The following DLG1 variants were observed in gnomAD, a reference collection of about 807,000 sequenced individuals.
DLG1 encodes disks large homolog 1.
A neutral mutation model predicts 123.4 loss-of-function variants in DLG1; 42 were observed. That is an observed-to-expected ratio of 0.34 (90% confidence interval 0.27 to 0.44). DLG1 has a LOEUF of 0.44. Among genes scored for constraint, DLG1 ranks in the 20% least tolerant of loss-of-function variants. DLG1 has a pLI of 1.00. For missense variants in DLG1, 942 were observed against 1,082.6 expected (o/e 0.87, Z 1.82); for synonymous variants, 317 against 356.2 (o/e 0.89, Z 1.24).
chr3:197,188,877 T>C (rs953122685), intron 5 of DLG1, among the ~76,000 whole-genome samples: 1 of 152,200 alleles, frequency 6.6e-6, no homozygotes, highest in Non-Finnish European at 1.5e-5. Context: ...TTGTTTTCCT[T>C]CAATTCCGGT....
At chr3:197,160,090 G>A (rs138520375) in intron 5 of DLG1, among the ~76,000 whole-genome samples, 10 of 152,262 alleles carry the variant, frequency 6.6e-5, no homozygotes, top group African/African-American at 9.6e-5. Flanking sequence ...CAGTTACACA[G>A]GTTAAGTGGT....
chr3:197,155,218 T>C (rs1039881190), intron 5 of DLG1, among the ~76,000 whole-genome samples: 2 of 152,168 alleles, frequency 1.3e-5, no homozygotes, highest in East Asian at 1.9e-4. Context: ...TCAATGAGAT[T>C]ATCAGCAGAC....
At chr3:197,060,248 A>T (rs979427180) in intron 22 of DLG1, among the ~76,000 whole-genome samples, 1 of 152,236 alleles carries the variant, frequency 6.6e-6, no homozygotes, top group Non-Finnish European at 1.5e-5. Context: ...CCTAGTTTTC[A>T]CGGATCAGTT....
intron 5 of DLG1, among the ~76,000 whole-genome samples, chr3:197,181,239 C>T (rs1561292157): frequency 6.6e-6 from 1 of 152,090 alleles, no homozygotes; most frequent in African/African-American, 2.4e-5. Context: ...ACTAATAGAA[C>T]TTGATTTATA....
chr3:197,070,861 C>A (rs556774033), intron 18 of DLG1: 1 of 151,956 alleles, frequency 6.6e-6, no homozygotes, highest in East Asian at 1.9e-4. Flanking sequence ...TGTGAGCCAC[C>A]GCACCTGGCC....
intron 1 of DLG1, chr3:197,297,620 G>A (rs878862626): frequency 1.7e-4 from 166 of 1,004,264 alleles, no homozygotes; most frequent in Non-Finnish European, 1.9e-4. Flanking sequence ...GCGCTGAGAG[G>A]GGACCAGCGG....
At chr3:197,219,151 A>G (rs1420897950) in intron 4 of DLG1, among the ~76,000 whole-genome samples, 1 of 152,138 alleles carries the variant, frequency 6.6e-6, no homozygotes, top group Admixed American at 6.5e-5. Context: ...AAGAAAAAAA[A>G]AAGAAATTAA....
chr3:197,097,447 A>G (rs1193876607), intron 14 of DLG1, among the ~76,000 whole-genome samples: 6 of 151,968 alleles, frequency 3.9e-5, no homozygotes, highest in Non-Finnish European at 8.8e-5. Context: ...GGTTCATAGG[A>G]TATCTTTCAT....
intron 4 of DLG1, among the ~76,000 whole-genome samples, chr3:197,241,836 A>T (rs1749055023): frequency 6.6e-6 from 1 of 152,194 alleles, no homozygotes. Flanking sequence ...AAAACCTATA[A>T]CAAATTCACT....
At chr3:197,148,411 G>GAAAA (rs780479244) in intron 6 of DLG1, among the ~76,000 whole-genome samples, 35 of 42,574 alleles carry the variant, frequency 8.2e-4, no homozygotes, top group Middle Eastern at 0.018. Flanking sequence ...ACTGTCTCAA[G>GAAAA]AAAAAAAAAA....
intron 1 of DLG1, chr3:197,297,777 C>T: frequency 1.0e-6 from 1 of 985,716 alleles, no homozygotes; most frequent in Non-Finnish European, 1.2e-6. Flanking sequence ...CTCCGCGGGC[C>T]CCCACACCTG....
chr3:197,080,318 A>C (rs1750201719), intron 17 of DLG1, among the ~76,000 whole-genome samples: 1 of 108,184 alleles, frequency 9.2e-6, no homozygotes. Context: ...TCACTCTGTC[A>C]CCCAGGCTGG....
intron 11 of DLG1, among the ~76,000 whole-genome samples, chr3:197,124,166 G>A (rs1777822065): frequency 6.6e-6 from 1 of 152,170 alleles, no homozygotes; most frequent in South Asian, 2.1e-4. Flanking sequence ...AGGAATTCAA[G>A]GCTACAAGGA....
At chr3:197,297,325 T>A in intron 1 of DLG1, 90 bp from the exon 2 acceptor site, 1 of 1,536,574 alleles carries the variant, frequency 6.5e-7, no homozygotes, top group African/African-American at 1.4e-5. Context: ...CGCAGCCTAT[T>A]TGAAAACCCC....
chr3:197,231,726 C>T (rs1225855848), intron 4 of DLG1, among the ~76,000 whole-genome samples: 1 of 148,048 alleles, frequency 6.8e-6, no homozygotes, highest in Non-Finnish European at 1.5e-5. Flanking sequence ...AAAAACAAAA[C>T]AACAAAAACC....
intron 24 of DLG1, among the ~76,000 whole-genome samples, chr3:197,048,532 A>AAAGAT (rs1227593554): frequency 6.6e-6 from 1 of 152,196 alleles, no homozygotes; most frequent in African/African-American, 2.4e-5. Context: ...CTGTTATCAA[A>AAAGAT]AAGATAAGAG....
intron 2 of DLG1, 140 bp downstream of exon 2, chr3:197,297,046 G>A: frequency 1.1e-6 from 1 of 872,836 alleles, no homozygotes. Flanking sequence ...AATGATATGA[G>A]GCTTAGATTC....
At chr3:197,169,045 T>C (rs980284402) in intron 5 of DLG1, among the ~76,000 whole-genome samples, 1 of 152,246 alleles carries the variant, frequency 6.6e-6, no homozygotes, top group Non-Finnish European at 1.5e-5. Flanking sequence ...ATTTTCTCTA[T>C]AGCTTTATAT....
intron 1 of DLG1, chr3:197,297,751 C>G (rs1455538505): frequency 4.1e-6 from 4 of 986,246 alleles, no homozygotes; most frequent in Non-Finnish European, 4.8e-6. Flanking sequence ...GACGCCCTCG[C>G]GCCCCGCATG....
Sources: gnomAD v4.1 joint callset for allele counts (sites outside exome capture counted in the v4.1 genomes callset) on GRCh38, gnomAD v4.1.1 for gene constraint, MANE v1.5 for transcripts, NCBI Gene and HGNC (gene_info 2026-07-23, HGNC 2026-07-21) for gene names.